The following EHD3 variants were observed in gnomAD, a reference collection of about 807,000 sequenced individuals.
EHD3 encodes EH domain-containing protein 3.
Under a neutral mutation model 43.0 loss-of-function variants are expected in EHD3, and 17 were observed. The ratio of observed to expected loss-of-function variants is 0.40; its 90% CI spans 0.27 to 0.59. The LOEUF (loss-of-function observed/expected upper bound fraction) is 0.59, where lower values mean the gene tolerates loss of function less well. Ranked by LOEUF, EHD3 falls within the 20% of genes least tolerant of loss-of-function variation. The pLI is 0.49. For synonymous variants in EHD3, 313 were observed against 289.5 expected, an observed-to-expected ratio of 1.08 and a Z score of -0.82; for missense variants, 594 against 705.6, an observed-to-expected ratio of 0.84 and a Z score of 1.79.
At chr2:31,255,590 C>T (rs1197193905) in intron 3 of EHD3, among the ~76,000 whole-genome samples, 1 of 152,192 alleles carries the variant, frequency 6.6e-6, no homozygotes, top group African/African-American at 2.4e-5. Flanking sequence ...ACCGCCATTC[C>T]TAGATCTGCA....
At position 31,234,948 on chromosome 2, in the gene EHD3, G is replaced by A. The variant is rs1007446191; in HGVS notation, c.227+100G>A. ...ATCCCAGACAGGGGACCAATGGGAA[G>A]CCTTCAGTTGAGGGCTCTGAAGAGA... On this transcript the variant is annotated intron_variant, in intron 1 of 5. Transcript: ENST00000322054. The A allele has an allele frequency of 9.4e-6, 11 of 1,170,452 alleles. No homozygotes were observed. In the Admixed American group the frequency reaches 1.9e-4, roughly 20 times the overall value. 72.5% of individuals were successfully genotyped at this position (1,170,452 alleles called of 1,614,324 possible). A position where few individuals can be genotyped will look rare whatever the true frequency, so the allele number is the denominator to read the frequency against.
chr2:31,249,299 G>T (rs1008356254), intron 2 of EHD3, 72 bp from the exon 3 acceptor site: 2 of 1,359,778 alleles, frequency 1.5e-6, no homozygotes, highest in South Asian at 1.2e-5. Flanking sequence ...AGACAAGACA[G>T]GTGGTTGGAG....
At chr2:31,262,341 G>A (rs668797) in intron 5 of EHD3, among the ~76,000 whole-genome samples, 129,245 of 152,218 alleles carry the variant, frequency 0.85, 55,210 homozygotes, top group East Asian at 0.95. Flanking sequence ...ACAAGAAGAA[G>A]AGCCAGGAGC....
rs1683956734 is a variant in EHD3 at position 31,266,635 on chromosome 2, G to A, written c.1539G>A (p.Glu513=). 1 of 1,613,900 alleles carries A rather than the reference G, an allele frequency of 6.2e-7. No homozygotes were observed. Among genetic ancestry groups the A allele is most frequent in the African/African-American group, 1.3e-5 (1 of 74,888 alleles). The change falls in exon 6 of 6, where the codon GAG becomes GAA. Residue 513 remains glutamate (E), a synonymous_variant. Coordinates refer to ENST00000322054, the MANE Select transcript of EHD3 (RefSeq NM_014600.3). The surrounding 1 kb of genome is among the most constrained non-coding windows in gnomAD (Gnocchi z 5.1). ...LANHLIKVKL[E]GHELPNELPA... Reference sequence around the variant, plus strand: ...ACCACCTCATCAAAGTCAAGCTGGAGGGGCACGAGCTGCCCAACGAGCTGC... The same window carrying A: ...ACCACCTCATCAAAGTCAAGCTGGAAGGGCACGAGCTGCCCAACGAGCTGC...
At chr2:31,261,036 C>G (rs538154373) in intron 4 of EHD3, 114 bp downstream of exon 4, 2 of 1,216,262 alleles carry the variant, frequency 1.6e-6, no homozygotes, top group African/African-American at 3.0e-5. Context: ...TGTGTGACAC[C>G]AAGGGGCAGG....
chr2:31,243,476 G>A (rs1683462181), intron 1 of EHD3, among the ~76,000 whole-genome samples: 1 of 51,710 alleles, frequency 1.9e-5, no homozygotes, highest in Non-Finnish European at 3.2e-5. Context: ...TTTTTTTTGA[G>A]ACAGAGTTTC....
At chr2:31,256,832 G>C (rs573706443) in intron 3 of EHD3, among the ~76,000 whole-genome samples, 2 of 152,366 alleles carry the variant, frequency 1.3e-5, no homozygotes, top group African/African-American at 4.8e-5. Context: ...TACAGTGCAA[G>C]AGTTGAGTTT....
At chr2:31,240,916 C>T (rs1184047593) in intron 1 of EHD3, among the ~76,000 whole-genome samples, 3 of 152,332 alleles carry the variant, frequency 2.0e-5, no homozygotes, top group East Asian at 1.9e-4. Context: ...CATCCACACA[C>T]TCACTAGGTC....
intron 3 of EHD3, among the ~76,000 whole-genome samples, chr2:31,259,669 A>T (rs1307582319): frequency 6.6e-6 from 1 of 152,226 alleles, no homozygotes; most frequent in Non-Finnish European, 1.5e-5. Flanking sequence ...GAGTGAGAAC[A>T]AGATGTTTTT....
chr2:31,247,159 A>G (rs913477977), intron 2 of EHD3, among the ~76,000 whole-genome samples: 3 of 152,210 alleles, frequency 2.0e-5, no homozygotes, highest in Non-Finnish European at 4.4e-5. Context: ...GGCCTCCCAA[A>G]GTGCTGGGTT....
At chr2:31,264,925 GT>G (rs1683918366) in intron 5 of EHD3, among the ~76,000 whole-genome samples, 1 of 151,946 alleles carries the variant, frequency 6.6e-6, no homozygotes, top group Non-Finnish European at 1.5e-5. Context: ...TATTCTATAA[GT>G]TTTTTCTATT....
rs200163437 is a variant in EHD3 at position 31,244,339 on chromosome 2, T to A, written c.293T>A (p.Ile98Asn). ...IGPEPTTDSF[I>N]AVMQGDMEGI... The stretch of plus-strand genomic sequence containing the variant: ...CCTGAGCCCACCACAGACTCCTTCA[T>A]TGCGGTGATGCAGGGAGACATGGAG... The change falls in exon 2 of 6, where the codon ATT becomes AAT. Residue 98 changes from isoleucine to asparagine, a missense_variant. Physicochemically the swap from Ile to Asn is moderately radical, Grantham distance 149. Transcript: ENST00000322054. The A allele has an allele frequency of 1.1e-4, 185 of 1,614,078 alleles. No individual in the cohort carries two copies. Among genetic ancestry groups the A allele is most frequent in the Admixed American group, 1.8e-4 (11 of 60,000 alleles).
rs1016170977 is a variant in EHD3, at chr2:31,261,722, G to A, written c.1080+9G>A. 6.2e-7 allele frequency: 1 copy of A among 1,613,720 alleles called. No homozygotes were observed. Among genetic ancestry groups the A allele is most frequent in the Non-Finnish European group, 8.5e-7 (1 of 1,179,738 alleles). Reference sequence around the variant, plus strand: ...ATCTGAAGAGGATGCAGGTAGCGAGGGCTGGGGTCTCTAAGACAAGGGACA... The same window carrying A: ...ATCTGAAGAGGATGCAGGTAGCGAGAGCTGGGGTCTCTAAGACAAGGGACA... On this transcript the variant is annotated intron_variant, in intron 5 of 5. Transcript: ENST00000322054.
chr2:31,243,949 C>A (rs1002605301), intron 1 of EHD3, among the ~76,000 whole-genome samples: 1 of 152,180 alleles, frequency 6.6e-6, no homozygotes, highest in Admixed American at 6.5e-5. Context: ...GTCTGTAATA[C>A]TCTGTGTAAG....
intron 1 of EHD3, among the ~76,000 whole-genome samples, chr2:31,240,837 C>G (rs562972336): frequency 2.0e-5 from 3 of 152,256 alleles, no homozygotes; most frequent in East Asian, 1.9e-4. Context: ...GTCCCTGGAG[C>G]CTTTGATGAT....
chr2:31,234,574 G>A lies in EHD3; in HGVS notation c.-48G>A, dbSNP rs1284454635. On this transcript the variant is annotated 5_prime_UTR_variant, in exon 1 of 6. Transcript: ENST00000322054. ...GTCCTACGGGACATCTTCCCCTGAG[G>A]AGGAGTCTTCCCCTGGGGCTGCGTG... The A allele has an allele frequency of 1.2e-6, 2 of 1,601,106 alleles. No individual in the cohort carries two copies. Among genetic ancestry groups the A allele is most frequent in the Admixed American group, 1.7e-5 (1 of 59,940 alleles).
At chr2:31,249,553 C>A in intron 3 of EHD3, 85 bp downstream of exon 3, 1 of 1,203,554 alleles carries the variant, frequency 8.3e-7, no homozygotes, top group Non-Finnish European at 1.2e-6. Context: ...GAGAAGCACC[C>A]AGGGCCATGC....
rs1397575398 is a variant in EHD3, at chr2:31,268,139, G to A, written c.*1435G>A. 6.5e-6 allele frequency: 1 copy of A among 152,684 alleles called. No individual in the cohort carries two copies. Among genetic ancestry groups the A allele is most frequent in the Non-Finnish European group, 1.5e-5 (1 of 68,074 alleles). 9.5% of individuals were successfully genotyped at this position (152,684 alleles called of 1,614,324 possible). ...AGAGGGTCCCCAGGGACTCTGCAGT[G>A]TCCTTGGCAAATCCCCACTGTACTC... On this transcript the variant is annotated 3_prime_UTR_variant, in exon 6 of 6. Coordinates refer to ENST00000322054, the MANE Select transcript of EHD3 (RefSeq NM_014600.3).
At chr2:31,235,190 A>G (rs546993946) in intron 1 of EHD3, among the ~76,000 whole-genome samples, 4 of 152,184 alleles carry the variant, frequency 2.6e-5, no homozygotes, top group Admixed American at 2.6e-4. Context: ...GGAGCGCCTT[A>G]TGTTGGTGGG....
Sources: allele counts gnomAD v4.1 joint callset (sites outside exome capture counted in the v4.1 genomes callset), GRCh38; gene constraint gnomAD v4.1.1; non-coding constraint Gnocchi (gnomAD v3.1); transcripts MANE v1.5; gene names NCBI Gene and HGNC (gene_info 2026-07-23, HGNC 2026-07-21).